The following PHETA2 variants were observed in gnomAD, a reference collection of about 807,000 sequenced individuals.
PHETA2 encodes sesquipedalian-2.
For synonymous variants in PHETA2, 133 were observed against 142.9 expected, an observed-to-expected ratio of 0.93 and a Z score of 0.50; for missense variants, 321 against 341.3, an observed-to-expected ratio of 0.94 and a Z score of 0.47.
Position 42,078,323 on chromosome 22 carries a change from T to C in PHETA2, c.*250T>C. ...GCCACAGAGCAAGACCCCAATCTCC[T>C]GACTGCACTGGCCTGACTGCCCCCT... On this transcript the variant is annotated 3_prime_UTR_variant, in exon 3 of 3. Coordinates refer to ENST00000321753, the MANE Select transcript of PHETA2 (RefSeq NM_001002034.3). The C allele has an allele frequency of 4.1e-6, 2 of 493,070 alleles. No individual in the cohort carries two copies. Among genetic ancestry groups the C allele is most frequent in the East Asian group, 6.8e-5 (2 of 29,616 alleles). The allele number at this position is 493,070 out of a possible 1,614,324, so 30.5% of individuals were successfully genotyped here. A position where few individuals can be genotyped will look rare whatever the true frequency, so the allele number is the denominator to read the frequency against.
chr22:42,077,214 CTG>C, intron 2 of PHETA2, 64 bp from the exon 3 acceptor site: 1 of 1,459,104 alleles, frequency 6.9e-7, no homozygotes, highest in Non-Finnish European at 9.1e-7. Flanking sequence ...GGAGCCGGTG[CTG>C]TTCCCCAGGA....
Position 42,077,831 on chromosome 22 carries a change from A to G in PHETA2, c.538A>G (p.Ser180Gly). 2 of 1,613,130 alleles carry G rather than the reference A, an allele frequency of 1.2e-6. No homozygotes were observed. Among genetic ancestry groups the G allele is most frequent in the Non-Finnish European group, 1.7e-6 (2 of 1,179,852 alleles). ...ENGHCLSKDS[S>G]PVGLVEEAGS... Reference sequence around the variant, plus strand: ...TGGCCACTGCCTCTCCAAGGACAGCAGCCCTGTGGGCTTGGTTGAAGAAGC... The same window carrying G: ...TGGCCACTGCCTCTCCAAGGACAGCGGCCCTGTGGGCTTGGTTGAAGAAGC... The change falls in exon 3 of 3, where the codon AGC becomes GGC. Residue 180 changes from serine to glycine, a missense_variant. Coordinates refer to ENST00000321753, the MANE Select transcript of PHETA2 (RefSeq NM_001002034.3).
In PHETA2 at chr22:42,077,258, T is replaced by G. The variant is rs780041978; in HGVS notation, c.-14-22T>G. ...GGAACCACCTCCCTCTCTGATCTGCTGCCATCTCTCTTGCCTCACAGTTCC... is the reference window on the plus strand; with the variant it reads ...GGAACCACCTCCCTCTCTGATCTGCGGCCATCTCTCTTGCCTCACAGTTCC... On this transcript the variant is annotated intron_variant, in intron 2 of 2. Coordinates refer to ENST00000321753, the MANE Select transcript of PHETA2 (RefSeq NM_001002034.3). 10 of 1,512,330 alleles carry G rather than the reference T, an allele frequency of 6.6e-6. No homozygotes were observed. In the South Asian group the frequency reaches 1.3e-4, roughly 20 times the overall value. 93.7% of individuals were successfully genotyped at this position (1,512,330 alleles called of 1,614,324 possible).
Position 42,077,774 on chromosome 22 carries a change from G to A in PHETA2, c.481G>A (p.Ala161Thr), listed in dbSNP as rs1471287265. Reference protein sequence around the residue: ...KSVASRCKPQAPNHRAAGLEN... With the variant: ...KSVASRCKPQTPNHRAAGLEN... Reference sequence around the variant, plus strand: ...TGTTGCCAGCCGCTGTAAGCCCCAGGCTCCTAACCACCGAGCTGCGGGCCT... The same window carrying A: ...TGTTGCCAGCCGCTGTAAGCCCCAGACTCCTAACCACCGAGCTGCGGGCCT... The change falls in exon 3 of 3, where the codon GCT (alanine) becomes ACT (threonine). Residue 161 changes from alanine (A) to threonine (T), a missense_variant. Physicochemically the swap from Ala to Thr is moderately conservative, Grantham distance 58. Transcript: ENST00000321753. The A allele has an allele frequency of 4.3e-6, 7 of 1,612,856 alleles. No homozygotes were observed. Among genetic ancestry groups the A allele is most frequent in the Non-Finnish European group, 4.2e-6 (5 of 1,180,024 alleles).
At position 42,077,990 on chromosome 22, in the gene PHETA2, CAGG is replaced by C; in HGVS notation, c.700_702del (p.Glu234del). The C allele has an allele frequency of 6.2e-7, 1 of 1,611,892 alleles. No individual in the cohort carries two copies. Among genetic ancestry groups the C allele is most frequent in the Non-Finnish European group, 8.5e-7 (1 of 1,179,222 alleles). On this transcript the variant is annotated inframe_deletion, in exon 3 of 3. Coordinates refer to ENST00000321753, the MANE Select transcript of PHETA2 (RefSeq NM_001002034.3). ...CTCTACCCTGCATGACTGGTATGGC[CAGG>C]AGATCGTGGAGCTGCGGCAGTGTTG... is the stretch of plus-strand genomic sequence containing the variant.
Position 42,077,933 on chromosome 22 carries a change from C to A in PHETA2, c.640C>A (p.Gln214Lys). The A allele has an allele frequency of 6.2e-7, 1 of 1,612,876 alleles. No individual in the cohort carries two copies. The highest frequency in any genetic ancestry group is 8.5e-7 in the Non-Finnish European group (1 of 1,179,480). ...TGCCAGCCTCCTCCTAGGCAAGGGG[C>A]AGAGCCCTGTGTCCCCTGAGACCTC... ...GPASLLLGKGQSPVSPETSCF... is the reference protein window; with the variant it reads ...GPASLLLGKGKSPVSPETSCF... Residue 214 changes from glutamine (Q) to lysine (K), a missense_variant, in exon 3 of 3, where the codon CAG becomes AAG. Transcript: ENST00000321753.
At chr22:42,076,424 G>A (rs1927283340) in intron 2 of PHETA2, among the ~76,000 whole-genome samples, 1 of 151,966 alleles carries the variant, frequency 6.6e-6, no homozygotes, top group Admixed American at 6.6e-5. Context: ...AGCCTCCCGA[G>A]TAGCTGGGAT....
intron 2 of PHETA2, among the ~76,000 whole-genome samples, chr22:42,076,785 T>G (rs1927298778): frequency 6.6e-6 from 1 of 152,184 alleles, no homozygotes; most frequent in Non-Finnish European, 1.5e-5. Flanking sequence ...TGCCTCAGCT[T>G]CTGCCTGTAG....
At chr22:42,076,091 G>T in intron 2 of PHETA2, 1 of 217,738 alleles carries the variant, frequency 4.6e-6, no homozygotes, top group East Asian at 1.1e-4. Flanking sequence ...ATGGTAACAA[G>T]GTTCGAGGGT....
In PHETA2 at chr22:42,075,579, G is replaced by A. The variant is rs1212854559; in HGVS notation, c.-88G>A. Reference sequence around the variant, plus strand: ...TGAGAATTGTTTTGCAGGTTCCCTGGGAACCAGGTGGTCGAAGGGCTGAGC... The same window carrying A: ...TGAGAATTGTTTTGCAGGTTCCCTGAGAACCAGGTGGTCGAAGGGCTGAGC... On this transcript the variant is annotated 5_prime_UTR_variant, in exon 2 of 3. Coordinates refer to ENST00000321753, the MANE Select transcript of PHETA2 (RefSeq NM_001002034.3). This position sits in a 1 kb window ranked among gnomAD's most constrained non-coding sequence, Gnocchi z 4.8. The A allele has an allele frequency of 6.6e-6, 1 of 152,314 alleles. No individual in the cohort carries two copies. Among genetic ancestry groups the A allele is most frequent in the Non-Finnish European group, 1.5e-5 (1 of 68,140 alleles). The allele number at this position is 152,314 out of a possible 1,614,324, so 9.4% of individuals were successfully genotyped here.
At position 42,075,698 on chromosome 22, in the gene PHETA2, C is replaced by G. The variant is rs1927256261; in HGVS notation, c.-15+46C>G. 1 of 152,280 alleles carries G rather than the reference C, an allele frequency of 6.6e-6. No individual in the cohort carries two copies. Among genetic ancestry groups the G allele is most frequent in the African/African-American group, 2.4e-5 (1 of 41,430 alleles). 9.4% of individuals were successfully genotyped at this position (152,280 alleles called of 1,614,324 possible). On this transcript the variant is annotated intron_variant, in intron 2 of 2. Coordinates refer to ENST00000321753, the MANE Select transcript of PHETA2 (RefSeq NM_001002034.3). This position sits in a 1 kb window ranked among gnomAD's most constrained non-coding sequence, Gnocchi z 4.8. ...GGATTTGGGAGACGAAGCTCTGCGT[C>G]TCATTGGCCATGTAACCTTGGGCAA...
chr22:42,078,194 ATTCT>A lies in PHETA2; in HGVS notation c.*122_*125del. 5.9e-5 allele frequency: 70 copies of A among 1,192,288 alleles called. No homozygotes were observed. In the East Asian group the frequency reaches 1.0e-3, roughly 18 times the overall value. 73.9% of individuals were successfully genotyped at this position (1,192,288 alleles called of 1,614,324 possible). ...GTTCTCTCCTTCCTGCTATTTAGGCATTCTCCAGGTTCGAGATCCACCCGTGTGT... is the reference window on the plus strand; with the variant it reads ...GTTCTCTCCTTCCTGCTATTTAGGCACCAGGTTCGAGATCCACCCGTGTGT... On this transcript the variant is annotated 3_prime_UTR_variant, in exon 3 of 3. Coordinates refer to ENST00000321753, the MANE Select transcript of PHETA2 (RefSeq NM_001002034.3).
Position 42,077,652 on chromosome 22 carries a change from G to A in PHETA2, c.359G>A (p.Ser120Asn). The A allele has an allele frequency of 1.2e-6, 2 of 1,614,196 alleles. No homozygotes were observed. Among genetic ancestry groups the A allele is most frequent in the Non-Finnish European group, 1.7e-6 (2 of 1,180,028 alleles). The change falls in exon 3 of 3, where the codon AGC (serine) becomes AAC (asparagine). Residue 120 changes from serine (S) to asparagine (N), a missense_variant. Ser to Asn is a conservative substitution (Grantham distance 46, BLOSUM62 1). Coordinates refer to ENST00000321753, the MANE Select transcript of PHETA2 (RefSeq NM_001002034.3). ...EAWVKVLSRA[S>N]FGYMRLVVRE... is the part of the protein sequence containing the mutation. ...TGGGTGAAGGTGCTGTCCCGGGCAA[G>A]CTTTGGCTACATGCGCCTGGTGGTA...
chr22:42,077,909 G>T lies in PHETA2; in HGVS notation c.616G>T (p.Ala206Ser). Residue 206 changes from alanine to serine, a missense_variant, in exon 3 of 3, where the codon GCC (alanine) becomes TCC (serine). Physicochemically the swap from Ala to Ser is moderately conservative, Grantham distance 99. Transcript: ENST00000321753. ...GLAEWELQGP[A>S]SLLLGKGQSP... The stretch of plus-strand genomic sequence containing the variant: ...GGCTGAGTGGGAGCTGCAGGGCCCT[G>T]CCAGCCTCCTCCTAGGCAAGGGGCA... 1 of 1,613,380 alleles carries T rather than the reference G, an allele frequency of 6.2e-7. No homozygotes were observed. Among genetic ancestry groups the T allele is most frequent in the Non-Finnish European group, 8.5e-7 (1 of 1,179,726 alleles).
Position 42,079,377 on chromosome 22 carries a change from T to G in PHETA2, c.*1304T>G. On this transcript the variant is annotated 3_prime_UTR_variant, in exon 3 of 3. Transcript: ENST00000321753. ...GTTTAAACACAGATAGCACGGGCCT[T>G]TCTCTTATTGCTACAGTGTTTTGTA... 2 of 208,856 alleles carry G rather than the reference T, an allele frequency of 9.6e-6. No homozygotes were observed. The highest frequency in any genetic ancestry group is 2.1e-5 in the Non-Finnish European group (2 of 95,266). 12.9% of individuals were successfully genotyped at this position (208,856 alleles called of 1,614,324 possible).
In PHETA2 at chr22:42,077,930, G is replaced by A. The variant is rs1412608929; in HGVS notation, c.637G>A (p.Gly213Arg). 3.1e-6 allele frequency: 5 copies of A among 1,612,966 alleles called. No individual in the cohort carries two copies. The highest frequency in any genetic ancestry group is 4.2e-6 in the Non-Finnish European group (5 of 1,179,544). Reference protein sequence around the residue: ...QGPASLLLGKGQSPVSPETSC... With the variant: ...QGPASLLLGKRQSPVSPETSC... ...CCCTGCCAGCCTCCTCCTAGGCAAG[G>A]GGCAGAGCCCTGTGTCCCCTGAGAC... is the stretch of plus-strand genomic sequence containing the variant. Residue 213 changes from glycine to arginine, a missense_variant, in exon 3 of 3, where the codon GGG becomes AGG. Coordinates refer to ENST00000321753, the MANE Select transcript of PHETA2 (RefSeq NM_001002034.3).
Position 42,078,189 on chromosome 22 carries a change from T to C in PHETA2, c.*116T>C. On this transcript the variant is annotated 3_prime_UTR_variant, in exon 3 of 3. Coordinates refer to ENST00000321753, the MANE Select transcript of PHETA2 (RefSeq NM_001002034.3). ...CATGGGTTCTCTCCTTCCTGCTATT[T>C]AGGCATTCTCCAGGTTCGAGATCCA... The C allele has an allele frequency of 1.6e-6, 2 of 1,230,714 alleles. No individual in the cohort carries two copies. The highest frequency in any genetic ancestry group is 2.2e-6 in the Non-Finnish European group (2 of 905,692). The allele number at this position is 1,230,714 out of a possible 1,614,324, so 76.2% of individuals were successfully genotyped here. A position where few individuals can be genotyped will look rare whatever the true frequency, so the allele number is the denominator to read the frequency against.
Position 42,077,195 on chromosome 22 carries a change from G to A in PHETA2, c.-14-85G>A, listed in dbSNP as rs567583115. ...TAGGAGTCCCAGGGCTGGGGTCCAG[G>A]TTGCCTCTGGAGCCGGTGCTGTTCC... is the stretch of plus-strand genomic sequence containing the variant. On this transcript the variant is annotated intron_variant, in intron 2 of 2. Coordinates refer to ENST00000321753, the MANE Select transcript of PHETA2 (RefSeq NM_001002034.3). The A allele has an allele frequency of 6.9e-6, 9 of 1,311,904 alleles. No individual in the cohort carries two copies. The South Asian group carries it at 1.2e-4, about 18-fold the overall frequency. The allele number at this position is 1,311,904 out of a possible 1,614,324, so 81.3% of individuals were successfully genotyped here. A position where few individuals can be genotyped will look rare whatever the true frequency, so the allele number is the denominator to read the frequency against.
chr22:42,077,178 C>A, intron 2 of PHETA2, 102 bp from the exon 3 acceptor site: 1 of 1,115,082 alleles, frequency 9.0e-7, no homozygotes, highest in Admixed American at 2.8e-5. Flanking sequence ...AGTAGGAGTC[C>A]CAGGGCTGGG....
Sources: gnomAD v4.1 joint callset for allele counts (sites outside exome capture counted in the v4.1 genomes callset) on GRCh38, gnomAD v4.1.1 for gene constraint, Gnocchi (gnomAD v3.1) non-coding constraint, MANE v1.5 for transcripts, NCBI Gene and HGNC (gene_info 2026-07-23, HGNC 2026-07-21) for gene names.